PIGN: variants seen among roughly 807,000 people sequenced by gnomAD.
PIGN encodes GPI ethanolamine phosphate transferase 1.
Under a neutral mutation model 125.4 loss-of-function variants are expected in PIGN, and 117 were observed. The ratio of observed to expected loss-of-function variants is 0.93; its 90% confidence interval spans 0.80 to 1.09. The LOEUF (loss-of-function observed/expected upper bound fraction) is 1.09. PIGN is among the 50% of genes least tolerant of loss of function. The pLI, the probability that PIGN is intolerant of heterozygous loss-of-function variation, is 0.00. For synonymous variants in PIGN, 392 were observed against 377.8 expected (o/e 1.04, Z -0.44); for missense variants, 1,075 against 1,094.9 (o/e 0.98, Z 0.26).
chr18:62,133,566 G>C (rs988660197), intron 14 of PIGN, among the ~76,000 whole-genome samples: 1 of 152,030 alleles, frequency 6.6e-6, no homozygotes, highest in Non-Finnish European at 1.5e-5. Context: ...AATTTGGAGA[G>C]GACCGACATT....
chr18:62,130,501 A>G (rs901622409), intron 14 of PIGN, among the ~76,000 whole-genome samples: 1 of 151,568 alleles, frequency 6.6e-6, no homozygotes, highest in Non-Finnish European at 1.5e-5. Context: ...TGAAAATATC[A>G]AGTTTTAAAG....
At chr18:62,037,256 G>A (rs1363187102), downstream of PIGN, among the ~76,000 whole-genome samples, 3 of 152,252 alleles carry the variant, frequency 2.0e-5, no homozygotes, top group South Asian at 4.1e-4. Context: ...TTTAGACTTA[G>A]ACTGAAATTA....
intron 1 of PIGN, among the ~76,000 whole-genome samples, chr18:62,166,822 A>C (rs562734336): frequency 6.6e-6 from 1 of 152,332 alleles, no homozygotes; most frequent in South Asian, 2.1e-4. Flanking sequence ...CAAATACCAC[A>C]TGTTCTCACT....
Position 62,143,343 on chromosome 18 carries a change from CA to C in PIGN, c.925del (p.Trp309GlyfsTer9). On this transcript the variant is annotated frameshift_variant and splice_region_variant, in exon 11 of 31. Coordinates refer to ENST00000640252, the MANE Select transcript of PIGN (RefSeq NM_176787.5). LOFTEE classifies it high-confidence loss of function. ...TAGCCTCTTCCAATTCTCCAATCTCCACTCTGAAAGATACAATCAGACACAA... is the reference window on the plus strand; with the variant it reads ...TAGCCTCTTCCAATTCTCCAATCTCCCTCTGAAAGATACAATCAGACACAA... ...QQFDDAFLKE[W>X]RLENWKRLDV... The C allele has an allele frequency of 6.6e-7, 1 of 1,521,596 alleles. No individual in the cohort carries two copies. Among genetic ancestry groups the C allele is most frequent in the Non-Finnish European group, 9.0e-7 (1 of 1,107,852 alleles). 94.3% of individuals were successfully genotyped at this position (1,521,596 alleles called of 1,614,324 possible).
chr18:62,120,731 A>G (rs768702058), intron 14 of PIGN, among the ~76,000 whole-genome samples: 46 of 152,164 alleles, frequency 3.0e-4, no homozygotes, highest in Non-Finnish European at 5.3e-4. Flanking sequence ...TGGGCAGGGG[A>G]GGGCTGGAAA....
rs143463953 is a variant in PIGN, at chr18:62,090,690, A to G, written c.2181-112T>C. 4.5e-5 allele frequency: 27 copies of G among 599,958 alleles called. 1 individual carries two copies. Among genetic ancestry groups the G allele is most frequent in the African/African-American group, 4.0e-4 (21 of 52,498 alleles). The allele number at this position is 599,958 out of a possible 1,614,324, so 37.2% of individuals were successfully genotyped here. A position where few individuals can be genotyped will look rare whatever the true frequency, so the allele number is the denominator to read the frequency against. The stretch of plus-strand genomic sequence containing the variant: ...TTAAAACAATTTGATAATACTTCTA[A>G]GTCACAATATTACAAAACTTAAGAA... On this transcript the variant is annotated intron_variant, in intron 23 of 30. Coordinates refer to ENST00000640252, the MANE Select transcript of PIGN (RefSeq NM_176787.5).
downstream of PIGN, among the ~76,000 whole-genome samples, chr18:62,038,457 G>C (rs525233): frequency 6.6e-6 from 1 of 152,068 alleles, no homozygotes; most frequent in East Asian, 1.9e-4. Flanking sequence ...AAAGAACTTA[G>C]ACTGGTCTTG....
At chr18:62,099,463 G>A (rs962573789) in intron 22 of PIGN, among the ~76,000 whole-genome samples, 2 of 151,690 alleles carry the variant, frequency 1.3e-5, no homozygotes, top group South Asian at 2.1e-4. Flanking sequence ...ATTCATGTGG[G>A]CCCACAAAAG....
At chr18:62,147,750 T>A (rs2147301297) in intron 8 of PIGN, among the ~76,000 whole-genome samples, 1 of 152,300 alleles carries the variant, frequency 6.6e-6, no homozygotes, top group South Asian at 2.1e-4. Context: ...AAATACTTGC[T>A]GTCATATATA....
chr18:62,144,504 C>T (rs2036248688), intron 10 of PIGN, among the ~76,000 whole-genome samples: 1 of 152,216 alleles, frequency 6.6e-6, no homozygotes, highest in Non-Finnish European at 1.5e-5. Context: ...ATCAGCCTTC[C>T]AATTCTGTTC....
intron 6 of PIGN, among the ~76,000 whole-genome samples, chr18:62,155,295 G>T (rs1318117690): frequency 6.6e-6 from 1 of 152,100 alleles, no homozygotes; most frequent in Non-Finnish European, 1.5e-5. Context: ...TGGCCAGTGT[G>T]GTGGCTCACA....
intron 23 of PIGN, among the ~76,000 whole-genome samples, chr18:62,024,712 G>T (rs2030095228): frequency 6.6e-6 from 1 of 152,140 alleles, no homozygotes; most frequent in Non-Finnish European, 1.5e-5. Flanking sequence ...TACTGACTGG[G>T]TACAGTGGCT....
intron 30 of PIGN, chr18:62,056,832 T>C (rs2031763274): frequency 6.6e-6 from 1 of 152,358 alleles, no homozygotes; most frequent in African/African-American, 2.4e-5. Context: ...CATTACTGCC[T>C]GAGCTCCACC....
intron 28 of PIGN, among the ~76,000 whole-genome samples, chr18:62,077,588 T>A (rs2033240765): frequency 6.6e-6 from 1 of 152,222 alleles, no homozygotes; most frequent in Admixed American, 6.5e-5. Flanking sequence ...AAAATGGTTG[T>A]AATAATATCT....
At chr18:62,162,435 G>A (rs1167161058) in intron 2 of PIGN, 106 bp from the exon 3 acceptor site, 1 of 152,082 alleles carries the variant, frequency 6.6e-6, no homozygotes, top group Non-Finnish European at 1.5e-5. Flanking sequence ...CAAGGATGAG[G>A]TAATTTTAGC....
intron 14 of PIGN, among the ~76,000 whole-genome samples, chr18:62,117,712 T>C (rs1272346779): frequency 3.9e-5 from 6 of 152,134 alleles, no homozygotes; most frequent in African/African-American, 7.2e-5. Context: ...ATATCATGTA[T>C]ACATATGTAT....
chr18:62,125,220 T>C, intron 14 of PIGN, among the ~76,000 whole-genome samples: 1 of 148,314 alleles, frequency 6.7e-6, no homozygotes, highest in Middle Eastern at 3.6e-3. Context: ...ATATACACGT[T>C]TGTACATATG....
At chr18:62,144,067 T>G (rs2036233044) in intron 10 of PIGN, among the ~76,000 whole-genome samples, 1 of 152,178 alleles carries the variant, frequency 6.6e-6, no homozygotes, top group Admixed American at 6.5e-5. Flanking sequence ...CTACCAAAAA[T>G]TCACACTAAT....
chr18:62,095,898 CA>C lies in PIGN; in HGVS notation c.2129del (p.Leu710CysfsTer8). On this transcript the variant is annotated frameshift_variant, in exon 23 of 31. Transcript: ENST00000640252. LOFTEE classifies it high-confidence loss of function. ...LLSSPVLFQRLFSILLSLMST... is the reference protein window; with the variant it reads ...LLSSPVLFQRXFSILLSLMST... ...ACATCAATGAAAGAAGTATGCTGAA[CA>C]ATCGCTGAAAGAGAACTGGAGAACT... 1 of 1,613,336 alleles carries C rather than the reference CA, an allele frequency of 6.2e-7. No homozygotes were observed. Among genetic ancestry groups the C allele is most frequent in the Non-Finnish European group, 8.5e-7 (1 of 1,179,472 alleles).
Sources: gnomAD v4.1 joint callset for allele counts (sites outside exome capture counted in the v4.1 genomes callset) on GRCh38, gnomAD v4.1.1 for gene constraint, MANE v1.5 for transcripts, NCBI Gene and HGNC (gene_info 2026-07-23, HGNC 2026-07-21) for gene names.